The following RASIP1 variants were observed in gnomAD, a reference collection of about 807,000 sequenced individuals.
The protein encoded by RASIP1 is ras-interacting protein 1.
In RASIP1, 20 loss-of-function variants were observed where a neutral mutation model predicts 85.3. The ratio of observed to expected loss-of-function variants is 0.23; its 90% CI spans 0.17 to 0.34. The LOEUF is 0.34. RASIP1 is among the 10% of genes least tolerant of loss of function. The probability of loss-of-function intolerance (pLI) is 1.00; values close to 1 mark genes in which losing one functional copy is unlikely to be tolerated. For synonymous variants in RASIP1, 617 were observed against 647.1 expected (o/e 0.95, Z 0.71); for missense variants, 1,170 against 1,390.9 (o/e 0.84, Z 2.53).
Position 48,738,042 on chromosome 19 carries a change from T to G in RASIP1, c.823+918A>C. 1.4e-6 allele frequency: 1 copy of G among 696,216 alleles called. No homozygotes were observed. Among genetic ancestry groups the G allele is most frequent in the East Asian group, 1.3e-4 (1 of 7,442 alleles). 43.1% of individuals were successfully genotyped at this position (696,216 alleles called of 1,614,324 possible). On this transcript the variant is annotated intron_variant, in intron 3 of 11. Transcript: ENST00000222145. This position sits in a 1 kb window ranked among gnomAD's most constrained non-coding sequence, Gnocchi z 4.0. ...TCACTGCAGCCTCTGCCTCCTGGGT[T>G]CAAATTATTCTCATGTCTCGGCCTC... is the stretch of plus-strand genomic sequence containing the variant.
chr19:48,733,822 G>C (rs530397009), intron 4 of RASIP1, among the ~76,000 whole-genome samples: 7 of 150,488 alleles, frequency 4.7e-5, no homozygotes, highest in Middle Eastern at 3.5e-3. Flanking sequence ...AAAAAAGTGT[G>C]GGGGGGAGGG....
At position 48,739,346 on chromosome 19, in the gene RASIP1, C is replaced by T; in HGVS notation, c.437G>A (p.Gly146Glu). 7.4e-7 allele frequency: 1 copy of T among 1,350,924 alleles called. No individual in the cohort carries two copies. Among genetic ancestry groups the T allele is most frequent in the Non-Finnish European group, 9.5e-7 (1 of 1,056,128 alleles). 83.7% of individuals were successfully genotyped at this position (1,350,924 alleles called of 1,614,324 possible). A position where few individuals can be genotyped will look rare whatever the true frequency, so the allele number is the denominator to read the frequency against. Residue 146 changes from glycine to glutamate, a missense_variant, in exon 3 of 12, where the codon GGG (glycine) becomes GAG (glutamate). Physicochemically the swap from Gly to Glu is moderately conservative, Grantham distance 98. Around this residue, in one of 4 missense-constraint regions of RASIP1, gnomAD observed 299 missense variants for 394.4 expected, o/e 0.76. Transcript: ENST00000222145. The surrounding 1 kb of genome is among the most constrained non-coding windows in gnomAD (Gnocchi z 9.2). Reference protein sequence around the residue: ...PLATRATAPPGVLKIFGAGLA... With the variant: ...PLATRATAPPEVLKIFGAGLA... Reference sequence around the variant, plus strand: ...TCCGGCGCCGAAGATCTTGAGGACCCCCGGAGGCGCCGTGGCGCGGGTAGC... The same window carrying T: ...TCCGGCGCCGAAGATCTTGAGGACCTCCGGAGGCGCCGTGGCGCGGGTAGC...
In RASIP1 at chr19:48,735,684, A is replaced by G. The variant is rs554018391; in HGVS notation, c.824-133T>C. 166 of 883,070 alleles carry G rather than the reference A, an allele frequency of 1.9e-4. No homozygotes were observed. The African/African-American group carries it at 2.6e-3, about 14-fold the overall frequency. The allele number at this position is 883,070 out of a possible 1,614,324, so 54.7% of individuals were successfully genotyped here. Reference sequence around the variant, plus strand: ...CCACATTTAGGATTTAGGCTTTTGCATATTCTGTTCCCTGTGCGTGGAACA... The same window carrying G: ...CCACATTTAGGATTTAGGCTTTTGCGTATTCTGTTCCCTGTGCGTGGAACA... On this transcript the variant is annotated intron_variant, in intron 3 of 11. Coordinates refer to ENST00000222145, the MANE Select transcript of RASIP1 (RefSeq NM_017805.3).
Position 48,740,192 on chromosome 19 carries a change from G to C in RASIP1, c.91C>G (p.Gln31Glu). The change falls in exon 2 of 12, where the codon CAG becomes GAG. Residue 31 changes from glutamine (Q) to glutamate (E), a missense_variant. Coordinates refer to ENST00000222145, the MANE Select transcript of RASIP1 (RefSeq NM_017805.3). This position sits in a 1 kb window ranked among gnomAD's most constrained non-coding sequence, Gnocchi z 5.5. ...CAGCGCCGCCCCAGCTTCGCCAGCT[G>C]CTTCCTGGGGGAATTGATCCACAGG... is the stretch of plus-strand genomic sequence containing the variant. ...VGLWINSPRKQLAKLGRRWPS... is the reference protein window; with the variant it reads ...VGLWINSPRKELAKLGRRWPS... 1 of 1,591,758 alleles carries C rather than the reference G, an allele frequency of 6.3e-7. No individual in the cohort carries two copies. The highest frequency in any genetic ancestry group is 8.5e-7 in the Non-Finnish European group (1 of 1,172,864).
chr19:48,721,984 T>TAGG lies in RASIP1; in HGVS notation c.2559_2561dup (p.Leu854dup). On this transcript the variant is annotated inframe_insertion, in exon 11 of 12. Coordinates refer to ENST00000222145, the MANE Select transcript of RASIP1 (RefSeq NM_017805.3). The stretch of plus-strand genomic sequence containing the variant: ...GGGTCAAGGTGGGGTGGTCGGTTCT[T>TAGG]AGGCTGCTCCATGAAGCCTGGTGGG... The TAGG allele has an allele frequency of 6.8e-7, 1 of 1,475,802 alleles. No individual in the cohort carries two copies. The highest frequency in any genetic ancestry group is 9.1e-7 in the Non-Finnish European group (1 of 1,098,668). 91.4% of individuals were successfully genotyped at this position (1,475,802 alleles called of 1,614,324 possible). A position where few individuals can be genotyped will look rare whatever the true frequency, so the allele number is the denominator to read the frequency against.
Position 48,729,178 on chromosome 19 carries a change from C to T in RASIP1, c.1592G>A (p.Gly531Asp). ...RLCGRGLQER[G>D]EALAAYLDGR... ...GTCCAGGTAGGCGGCCAGTGCCTCG[C>T]CGCGCTCCTGCAGGCCGCGGCCGCA... Residue 531 changes from glycine (G) to aspartate (D), a missense_variant, in exon 5 of 12, where the codon GGC (glycine) becomes GAC (aspartate). By Grantham distance (94) the Gly-to-Asp change is moderately conservative (BLOSUM62 -1). Around this residue, in one of 4 missense-constraint regions of RASIP1, gnomAD observed 426 missense variants for 576.2 expected, o/e 0.74. Coordinates refer to ENST00000222145, the MANE Select transcript of RASIP1 (RefSeq NM_017805.3). 1 of 1,285,454 alleles carries T rather than the reference C, an allele frequency of 7.8e-7. No homozygotes were observed. 79.6% of individuals were successfully genotyped at this position (1,285,454 alleles called of 1,614,324 possible). A position where few individuals can be genotyped will look rare whatever the true frequency, so the allele number is the denominator to read the frequency against.
chr19:48,722,742 T>A (rs2033271641), intron 10 of RASIP1, among the ~76,000 whole-genome samples: 1 of 152,072 alleles, frequency 6.6e-6, no homozygotes, highest in Non-Finnish European at 1.5e-5. Flanking sequence ...CTTATTACCT[T>A]CCGGCAGGTC....
chr19:48,724,860 C>G lies in RASIP1; in HGVS notation c.2228G>C (p.Gly743Ala), dbSNP rs950166393. The part of the protein sequence containing the change: ...PGAELGAMPP[G>A]LRPTLGVFQA... ...GAACACGCCCAGGGTAGGTCTCAATCCTGGAGGCATGGCCCCCAGCTCCGC... is the reference window on the plus strand; with the variant it reads ...GAACACGCCCAGGGTAGGTCTCAATGCTGGAGGCATGGCCCCCAGCTCCGC... The change falls in exon 9 of 12, where the codon GGA (glycine) becomes GCA (alanine). Residue 743 changes from glycine (G) to alanine (A), a missense_variant. By Grantham distance (60) the Gly-to-Ala change is moderately conservative. Transcript: ENST00000222145. The surrounding 1 kb of genome is among the most constrained non-coding windows in gnomAD (Gnocchi z 4.6). 6.2e-7 allele frequency: 1 copy of G among 1,614,240 alleles called. No individual in the cohort carries two copies. Among genetic ancestry groups the G allele is most frequent in the South Asian group, 1.1e-5 (1 of 91,080 alleles).
intron 11 of RASIP1, 41 bp downstream of exon 11, chr19:48,721,813 G>T: frequency 6.4e-7 from 1 of 1,558,020 alleles, no homozygotes; most frequent in Non-Finnish European, 8.7e-7. Flanking sequence ...AAAAGAAGAA[G>T]AAAGCTGACA....
intron 8 of RASIP1, chr19:48,725,170 T>C (rs2033321806): frequency 1.8e-6 from 1 of 571,064 alleles, no homozygotes; most frequent in Non-Finnish European, 3.1e-6. Flanking sequence ...GATCACCTCT[T>C]GTGCATTGTG....
chr19:48,734,222 G>A (rs1182669648), intron 4 of RASIP1, among the ~76,000 whole-genome samples: 1 of 151,872 alleles, frequency 6.6e-6, no homozygotes. Flanking sequence ...GTGAACCCAG[G>A]AGACAGAGCT....
In RASIP1 at chr19:48,724,955, G is replaced by A. The variant is rs76284216; in HGVS notation, c.2133C>T (p.Leu711=). The A allele has an allele frequency of 9.8e-5, 158 of 1,610,326 alleles. No individual in the cohort carries two copies. The highest frequency in any genetic ancestry group is 1.3e-4 in the Non-Finnish European group (153 of 1,176,740). Residue 711 remains leucine, a synonymous_variant, in exon 9 of 12, where the codon CTC becomes CTT. Transcript: ENST00000222145. This position sits in a 1 kb window ranked among gnomAD's most constrained non-coding sequence, Gnocchi z 4.6. ...QQSVYYLTKT[L]YSTLPALLDS... is the part of the protein sequence containing the mutation. ...CCAGGAGAGCAGGCAGCGTTGAATA[G>A]AGAGTCTGAGAAAATAGAGAAGTGG...
rs2033220866 is a variant in RASIP1, at chr19:48,720,984, T to G, written c.2706A>C (p.Glu902Asp). ...REAVDTGDIF[E>D]SFSSHPPLIL... The stretch of plus-strand genomic sequence containing the variant: ...TGAGGGGCGGGTGCGAGGAGAAGCT[T>G]TCGAAGATGTCCCCTGTGAGGCCGA... The change falls in exon 12 of 12, where the codon GAA becomes GAC. Residue 902 changes from glutamate to aspartate, a missense_variant. Coordinates refer to ENST00000222145, the MANE Select transcript of RASIP1 (RefSeq NM_017805.3). 1 of 1,604,184 alleles carries G rather than the reference T, an allele frequency of 6.2e-7. No individual in the cohort carries two copies. The highest frequency in any genetic ancestry group is 1.1e-5 in the South Asian group (1 of 90,800).
In RASIP1 at chr19:48,729,081, T is replaced by G; in HGVS notation, c.1689A>C (p.Ala563=). 3 of 1,377,838 alleles carry G rather than the reference T, an allele frequency of 2.2e-6. No individual in the cohort carries two copies. The highest frequency in any genetic ancestry group is 2.8e-6 in the Non-Finnish European group (3 of 1,075,026). 85.4% of individuals were successfully genotyped at this position (1,377,838 alleles called of 1,614,324 possible). Residue 563 remains alanine, a synonymous_variant, in exon 5 of 12, where the codon GCA becomes GCC. Transcript: ENST00000222145. The part of the protein sequence containing the change: ...EALLGEIVRA[A]AAGSGDLPPL... ...GCGGCAGGTCTCCCGAGCCGGCGGC[T>G]GCGGCGCGCACGATCTCGCCCAGCA...
intron 10 of RASIP1, 54 bp from the exon 11 acceptor site, chr19:48,722,055 T>A (rs2033258136): frequency 1.5e-6 from 2 of 1,337,192 alleles, no homozygotes; most frequent in African/African-American, 1.5e-5. Flanking sequence ...AGTTAAGAAA[T>A]GAAATGGAAG....
rs1049498878 is a variant in RASIP1, at chr19:48,727,032, T to C, written c.1998A>G (p.Glu666=). Residue 666 remains glutamate (E), a synonymous_variant, in exon 7 of 12, where the codon GAA becomes GAG. Coordinates refer to ENST00000222145, the MANE Select transcript of RASIP1 (RefSeq NM_017805.3). The part of the protein sequence containing the change: ...LLSFVQEKVL[E]MEKEADQEDP... ...CCTCTTGGTCAGCCTCCTTCTCCATTTCCAGCACCTTCTCCTGCACAAAGC... is the reference window on the plus strand; with the variant it reads ...CCTCTTGGTCAGCCTCCTTCTCCATCTCCAGCACCTTCTCCTGCACAAAGC... 6.2e-7 allele frequency: 1 copy of C among 1,614,048 alleles called. No homozygotes were observed.
rs1299396932 is a variant in RASIP1 at position 48,740,256 on chromosome 19, G to T, written c.27C>A (p.Gly9=). 1.9e-6 allele frequency: 3 copies of T among 1,587,898 alleles called. No individual in the cohort carries two copies. Among genetic ancestry groups the T allele is most frequent in the South Asian group, 2.2e-5 (2 of 88,978 alleles). Residue 9 remains glycine (G), a synonymous_variant, in exon 2 of 12, where the codon GGC becomes GGA. Coordinates refer to ENST00000222145, the MANE Select transcript of RASIP1 (RefSeq NM_017805.3). This position sits in a 1 kb window ranked among gnomAD's most constrained non-coding sequence, Gnocchi z 5.5. ...GAAGCTTCCCGAAGCGGGGGCTTCC[G>T]CCCTCCTTCCGTTCACCAGACAGCA... MLSGERKE[G]GSPRFGKLHL...
chr19:48,737,578 G>C (rs1242434677), intron 3 of RASIP1: 3 of 985,176 alleles, frequency 3.0e-6, no homozygotes, highest in Admixed American at 6.2e-5. Context: ...GCCCCTCAGC[G>C]GCTCCGCCCA....
chr19:48,722,647 A>C (rs903509250), intron 10 of RASIP1, among the ~76,000 whole-genome samples: 2 of 152,078 alleles, frequency 1.3e-5, no homozygotes, highest in African/African-American at 4.8e-5. Flanking sequence ...TCTACACCTG[A>C]TGTAGCTGAC....
Sources: allele counts gnomAD v4.1 joint callset (sites outside exome capture counted in the v4.1 genomes callset), GRCh38; gene constraint gnomAD v4.1.1; regional missense constraint gnomAD v4.1.1; non-coding constraint Gnocchi (gnomAD v3.1); transcripts MANE v1.5; gene names NCBI Gene and HGNC (gene_info 2026-07-23, HGNC 2026-07-21).